Variants in PRKD3 observed in about 807,000 individuals in gnomAD.
The protein encoded by PRKD3 is protein kinase D3.
Under a neutral mutation model 99.2 loss-of-function variants are expected in PRKD3, and 47 were observed. That is an observed-to-expected ratio of 0.47 (90% CI 0.38 to 0.60). The LOEUF is 0.60. PRKD3 is among the 20% of genes least tolerant of loss of function. The probability of loss-of-function intolerance (pLI) is 0.00; values close to 1 mark genes in which losing one functional copy is unlikely to be tolerated. For missense variants in PRKD3, 1,019 were observed against 1,088.4 expected, an observed-to-expected ratio of 0.94 and a Z score of 0.90; for synonymous variants, 392 against 355.4, an observed-to-expected ratio of 1.10 and a Z score of -1.16.
At chr2:37,257,415 C>T (rs1668041055) in intron 16 of PRKD3, among the ~76,000 whole-genome samples, 1 of 152,010 alleles carries the variant, frequency 6.6e-6, no homozygotes, top group South Asian at 2.1e-4. Context: ...CCTGTAATCC[C>T]AGCACTTTGG....
chr2:37,302,029 C>A (rs1020767483), intron 2 of PRKD3, among the ~76,000 whole-genome samples: 11 of 152,118 alleles, frequency 7.2e-5, no homozygotes, highest in African/African-American at 2.4e-4. Flanking sequence ...GCTGAGAAAT[C>A]CTGCTTTAGG....
In PRKD3 at chr2:37,286,348, T is replaced by C. The variant is rs1670094049; in HGVS notation, c.739A>G (p.Ser247Gly). 3 of 1,613,968 alleles carry C rather than the reference T, an allele frequency of 1.9e-6. No individual in the cohort carries two copies. The highest frequency in any genetic ancestry group is 1.7e-5 in the Admixed American group (1 of 60,008). Residue 247 changes from serine (S) to glycine (G), a missense_variant, in exon 6 of 19, where the codon AGT (serine) becomes GGT (glycine). Coordinates refer to ENST00000234179, the MANE Select transcript of PRKD3 (RefSeq NM_005813.6). Reference protein sequence around the residue: ...SEESHVHQEPSKRIPSWSGRP... With the variant: ...SEESHVHQEPGKRIPSWSGRP... ...CCACTCCAAGAAGGAATTCTCTTAC[T>C]TGGTTCCTGGTGGACATGTGACTAT... is the stretch of plus-strand genomic sequence containing the variant.
At chr2:37,272,482 C>G (rs1237852647) in intron 11 of PRKD3, 50 bp from the exon 12 acceptor site, 2 of 1,558,224 alleles carry the variant, frequency 1.3e-6, no homozygotes, top group South Asian at 1.2e-5. Context: ...TATTATTAAT[C>G]TTTACTGACA....
In PRKD3 at chr2:37,316,304, G is replaced by A. The variant is rs748947049; in HGVS notation, c.221C>T (p.Thr74Ile). ...TAAAGACAGTTCCTGGGCTTCAATG[G>A]TAACACTCTCCCGTGTGAGGCCAAT... ...LQIGLTRESV[T>I]IEAQELSLSA... The change falls in exon 2 of 19, where the codon ACC (threonine) becomes ATC (isoleucine). Residue 74 changes from threonine (T) to isoleucine (I), a missense_variant. Physicochemically the swap from Thr to Ile is moderately conservative, Grantham distance 89 (BLOSUM62 -1). Transcript: ENST00000234179. 6.2e-7 allele frequency: 1 copy of A among 1,614,238 alleles called. No individual in the cohort carries two copies. The highest frequency in any genetic ancestry group is 1.7e-5 in the Admixed American group (1 of 60,034).
At chr2:37,253,479 G>A (rs976275803) in intron 18 of PRKD3, 129 bp from the exon 19 acceptor site, 1 of 696,134 alleles carries the variant, frequency 1.4e-6, no homozygotes, top group Non-Finnish European at 2.3e-6. Context: ...CTACTCATAA[G>A]TATCTACTAT....
intron 2 of PRKD3, among the ~76,000 whole-genome samples, chr2:37,308,760 CAGGTATTAAGTGA>C (rs1175059129): frequency 6.6e-6 from 1 of 152,052 alleles, no homozygotes; most frequent in African/African-American, 2.4e-5. Context: ...CAGCTAGTGT[CAGGTATTAAGTGA>C]AGGTCTATGT....
At position 37,324,810 on chromosome 2, in the gene PRKD3, C is replaced by A. The variant is rs1369749948; in HGVS notation, c.-785G>T. On this transcript the variant is annotated 5_prime_UTR_variant, in exon 1 of 19. Transcript: ENST00000234179. ...CGGCGCCCCTTCCTCCCTCCCTCCC[C>A]GTCCCGTCCTGGGGCCGGAGGGCGG... The A allele has an allele frequency of 6.6e-6, 1 of 150,698 alleles. No individual in the cohort carries two copies. The highest frequency in any genetic ancestry group is 2.0e-4 in the East Asian group (1 of 5,098). 9.3% of individuals were successfully genotyped at this position (150,698 alleles called of 1,614,324 possible). A position where few individuals can be genotyped will look rare whatever the true frequency, so the allele number is the denominator to read the frequency against.
chr2:37,324,615 A>AGAACAAAGCG (rs1553381768), intron 1 of PRKD3, 66 bp downstream of exon 1: 1 of 143,092 alleles, frequency 7.0e-6, no homozygotes, highest in Admixed American at 6.8e-5. Flanking sequence ...GGGAGAACAA[A>AGAACAAAGCG]GCGGCGGCGG....
intron 2 of PRKD3, among the ~76,000 whole-genome samples, chr2:37,298,544 C>CA (rs1476172954): frequency 6.6e-6 from 1 of 152,064 alleles, no homozygotes; most frequent in Non-Finnish European, 1.5e-5. Context: ...ATAAAATTAT[C>CA]ATGAGAATAC....
Position 37,316,908 on chromosome 2 carries a change from G to T in PRKD3, c.-384C>A. 1 of 1,005,816 alleles carries T rather than the reference G, an allele frequency of 9.9e-7. No individual in the cohort carries two copies. The highest frequency in any genetic ancestry group is 4.4e-5 in the South Asian group (1 of 22,930). The allele number at this position is 1,005,816 out of a possible 1,614,324, so 62.3% of individuals were successfully genotyped here. On this transcript the variant is annotated 5_prime_UTR_variant, in exon 2 of 19. Coordinates refer to ENST00000234179, the MANE Select transcript of PRKD3 (RefSeq NM_005813.6). ...AGGAAATACATATTGAATAAAAGTT[G>T]TTTTTCTGTCAAGGTGAAATCCTCT...
At chr2:37,259,554 C>A (rs776575544) in intron 16 of PRKD3, 29 bp downstream of exon 16, 27 of 1,536,558 alleles carry the variant, frequency 1.8e-5, no homozygotes, top group Non-Finnish European at 2.2e-5. Context: ...TTGCCAGAAT[C>A]ATTTAAAAGG....
At chr2:37,285,601 C>T (rs565429034) in intron 6 of PRKD3, among the ~76,000 whole-genome samples, 13 of 152,132 alleles carry the variant, frequency 8.5e-5, no homozygotes, top group African/African-American at 2.6e-4. Flanking sequence ...AAGAGGAAAG[C>T]GTTATTTTTA....
At chr2:37,289,308 C>T (rs771651247) in intron 5 of PRKD3, 48 bp downstream of exon 5, 1 of 1,585,652 alleles carries the variant, frequency 6.3e-7, no homozygotes, top group Non-Finnish European at 8.6e-7. Flanking sequence ...CCTGTAGAAA[C>T]ACAGAGAATA....
intron 1 of PRKD3, among the ~76,000 whole-genome samples, chr2:37,322,075 C>T (rs560194227): frequency 3.9e-5 from 6 of 152,236 alleles, no homozygotes; most frequent in African/African-American, 1.2e-4. Context: ...ATGCTAATGA[C>T]GTGGAGGGTT....
intron 7 of PRKD3, 28 bp from the exon 8 acceptor site, chr2:37,279,957 G>C (rs201130476): frequency 6.7e-7 from 1 of 1,482,034 alleles, no homozygotes; most frequent in Non-Finnish European, 9.2e-7. Flanking sequence ...GAATTTCAGA[G>C]TTTTATATTA....
chr2:37,311,691 T>C (rs1671431213), intron 2 of PRKD3, among the ~76,000 whole-genome samples: 1 of 152,208 alleles, frequency 6.6e-6, no homozygotes, highest in South Asian at 2.1e-4. Flanking sequence ...GAAAATAAGA[T>C]GGCACTCACG....
chr2:37,309,575 G>T (rs374324457), intron 2 of PRKD3, among the ~76,000 whole-genome samples: 1 of 152,020 alleles, frequency 6.6e-6, no homozygotes, highest in African/African-American at 2.4e-5. Flanking sequence ...GGCCAAGCAC[G>T]GTGGCCAATC....
chr2:37,282,371 C>A, intron 7 of PRKD3, 171 bp downstream of exon 7: 1 of 560,074 alleles, frequency 1.8e-6, no homozygotes, highest in Non-Finnish European at 3.2e-6. Context: ...GGCGTGATTA[C>A]TAATAAATGT....
At chr2:37,279,210 T>C (rs558814505) in intron 8 of PRKD3, 1 of 152,216 alleles carries the variant, frequency 6.6e-6, no homozygotes, top group East Asian at 1.9e-4. Flanking sequence ...AAAAATTGAA[T>C]TTCTATGAAC....
Sources: allele counts gnomAD v4.1 joint callset (sites outside exome capture counted in the v4.1 genomes callset), GRCh38; gene constraint gnomAD v4.1.1; transcripts MANE v1.5; gene names NCBI Gene and HGNC (gene_info 2026-07-23, HGNC 2026-07-21).